The following CAPRIN1 variants were observed in gnomAD, a reference collection of about 807,000 sequenced individuals.
The protein encoded by CAPRIN1 is cell cycle associated protein 1.
In CAPRIN1, 29 loss-of-function variants were observed where a neutral mutation model predicts 100.9. The ratio of observed to expected loss-of-function variants is 0.29; its 90% CI spans 0.21 to 0.39. The LOEUF is 0.39. CAPRIN1 is among the 10% of genes least tolerant of loss of function. CAPRIN1 has a pLI of 1.00. For synonymous variants in CAPRIN1, 338 were observed against 307.5 expected (o/e 1.10, Z -1.04); for missense variants, 795 against 876.7 (o/e 0.91, Z 1.18).
At chr11:34,074,756 A>C (rs1323337129) in intron 4 of CAPRIN1, among the ~76,000 whole-genome samples, 1 of 152,190 alleles carries the variant, frequency 6.6e-6, no homozygotes, top group Admixed American at 6.5e-5. Context: ...GGCAGCACAC[A>C]CCTGTAATCC....
intron 10 of CAPRIN1, 24 bp from the exon 11 acceptor site, chr11:34,086,281 A>G: frequency 6.2e-7 from 1 of 1,609,594 alleles, no homozygotes; most frequent in Non-Finnish European, 8.5e-7. Flanking sequence ...ATTTGACTTT[A>G]TTCTATCCTA....
intron 7 of CAPRIN1, 97 bp downstream of exon 7, chr11:34,079,862 G>T: frequency 4.0e-6 from 4 of 1,007,170 alleles, no homozygotes; most frequent in Non-Finnish European, 4.2e-6. Context: ...TTTCATATAT[G>T]TACACTAGAT....
chr11:34,077,644 A>G (rs1565090795), intron 6 of CAPRIN1, among the ~76,000 whole-genome samples: 1 of 151,580 alleles, frequency 6.6e-6, no homozygotes, highest in Non-Finnish European at 1.5e-5. Flanking sequence ...ATTTTTGAAC[A>G]TAAAATGAAA....
chr11:34,084,499 G>A (rs529129131), intron 9 of CAPRIN1, among the ~76,000 whole-genome samples: 22 of 152,286 alleles, frequency 1.4e-4, no homozygotes, highest in African/African-American at 5.3e-4. Context: ...GTTGTTCCTT[G>A]TTATACCAGG....
At chr11:34,055,936 A>G (rs1289618005) in intron 2 of CAPRIN1, 1 of 152,234 alleles carries the variant, frequency 6.6e-6, no homozygotes, top group Non-Finnish European at 1.5e-5. Context: ...AACCCAGGGC[A>G]TTTGGATTTG....
At chr11:34,068,491 T>G (rs1850742581) in intron 2 of CAPRIN1, among the ~76,000 whole-genome samples, 1 of 152,216 alleles carries the variant, frequency 6.6e-6, no homozygotes, top group Non-Finnish European at 1.5e-5. Context: ...GCGATAGCTC[T>G]CGGTTTGGAT....
chr11:34,090,451 A>C (rs1350834408), intron 13 of CAPRIN1, 78 bp from the exon 14 acceptor site: 1 of 1,487,926 alleles, frequency 6.7e-7, no homozygotes, highest in East Asian at 2.3e-5. Context: ...TTAATTTACC[A>C]CTTTAGTACA....
At chr11:34,066,072 C>T (rs559236947) in intron 2 of CAPRIN1, among the ~76,000 whole-genome samples, 1 of 152,126 alleles carries the variant, frequency 6.6e-6, no homozygotes, top group South Asian at 2.1e-4. Context: ...CAGCCTCACC[C>T]TCCCCAGACT....
chr11:34,085,923 T>C, intron 9 of CAPRIN1, 141 bp from the exon 10 acceptor site: 5 of 626,210 alleles, frequency 8.0e-6, no homozygotes, highest in Non-Finnish European at 1.1e-5. Context: ...GGCATAAATG[T>C]AATTCATTTG....
chr11:34,095,445 C>T (rs1851352338), intron 15 of CAPRIN1, among the ~76,000 whole-genome samples: 1 of 152,166 alleles, frequency 6.6e-6, no homozygotes, highest in African/African-American at 2.4e-5. Flanking sequence ...AGCAGTGGCT[C>T]TCTCTTTTTC....
intron 4 of CAPRIN1, among the ~76,000 whole-genome samples, chr11:34,073,548 T>A (rs1470135908): frequency 6.6e-6 from 1 of 152,090 alleles, no homozygotes; most frequent in Non-Finnish European, 1.5e-5. Context: ...CTCCGCCTCC[T>A]GAGTAACTGG....
intron 2 of CAPRIN1, among the ~76,000 whole-genome samples, 167 bp from the exon 3 acceptor site, chr11:34,071,557 CTG>C (rs1256309312): frequency 6.6e-6 from 1 of 151,446 alleles, no homozygotes; most frequent in African/African-American, 2.4e-5. Context: ...GAGCGAAACT[CTG>C]TCTCAAAAAA....
chr11:34,065,595 G>C (rs1367712369), intron 2 of CAPRIN1, among the ~76,000 whole-genome samples: 2 of 152,158 alleles, frequency 1.3e-5, no homozygotes, highest in African/African-American at 4.8e-5. Flanking sequence ...TAGGGTCTCT[G>C]CTCTGCAGAG....
chr11:34,053,539 A>T (rs1850380752), intron 2 of CAPRIN1: 1 of 151,950 alleles, frequency 6.6e-6, no homozygotes, highest in African/African-American at 2.4e-5. Flanking sequence ...AAGCGAAAGC[A>T]GAGGGGGAGG....
chr11:34,079,707 G>T lies in CAPRIN1; in HGVS notation c.768G>T (p.Leu256=). The T allele has an allele frequency of 6.2e-7, 1 of 1,614,124 alleles. No homozygotes were observed. Among genetic ancestry groups the T allele is most frequent in the Non-Finnish European group, 8.5e-7 (1 of 1,179,996 alleles). ...FDSTHNHQNG[L]CEEEEAASAP... ...GCACCCACAACCACCAGAATGGGCT[G>T]TGTGAGGAAGAAGAGGCAGCCTCAG... is the stretch of plus-strand genomic sequence containing the variant. Residue 256 remains leucine (L), a synonymous_variant, in exon 7 of 19, where the codon CTG becomes CTT. Transcript: ENST00000341394.
chr11:34,084,769 G>T (rs550182058), intron 9 of CAPRIN1, among the ~76,000 whole-genome samples: 1 of 152,304 alleles, frequency 6.6e-6, no homozygotes, highest in South Asian at 2.1e-4. Context: ...CATGGATGTA[G>T]AAGTAGAAAT....
chr11:34,088,969 T>C (rs979096172), intron 11 of CAPRIN1, among the ~76,000 whole-genome samples: 4 of 152,144 alleles, frequency 2.6e-5, no homozygotes, highest in African/African-American at 9.7e-5. Flanking sequence ...GGTTTGGCTA[T>C]AGAAATTTAC....
chr11:34,056,959 G>GT (rs1850463812), intron 2 of CAPRIN1, among the ~76,000 whole-genome samples: 1 of 152,194 alleles, frequency 6.6e-6, no homozygotes, highest in East Asian at 1.9e-4. Context: ...CATCTTTGCA[G>GT]TTAGTAGTAT....
At chr11:34,060,827 T>C (rs1476522758) in intron 2 of CAPRIN1, among the ~76,000 whole-genome samples, 1 of 152,210 alleles carries the variant, frequency 6.6e-6, no homozygotes, top group Non-Finnish European at 1.5e-5. Context: ...CCAAGGAATG[T>C]ATTAATATAA....
Sources: gnomAD v4.1 joint callset for allele counts (sites outside exome capture counted in the v4.1 genomes callset) on GRCh38, gnomAD v4.1.1 for gene constraint, MANE v1.5 for transcripts, NCBI Gene and HGNC (gene_info 2026-07-23, HGNC 2026-07-21) for gene names.